The following RIMBP2 variants were observed in gnomAD, a reference collection of about 807,000 sequenced individuals.
RIMBP2 encodes the protein RIMS-binding protein 2.
In RIMBP2, 48 loss-of-function variants were observed where a neutral mutation model predicts 118.6. That is an observed-to-expected ratio of 0.40 (90% confidence interval 0.32 to 0.51). The LOEUF (loss-of-function observed/expected upper bound fraction) is 0.51. Ranked by LOEUF, RIMBP2 falls within the 20% of genes least tolerant of loss-of-function variation. The pLI is 0.41. For missense variants in RIMBP2, 1,551 were observed against 1,768.3 expected (o/e 0.88, Z 2.20); for synonymous variants, 762 against 742.9 (o/e 1.03, Z -0.42).
chr12:130,558,854 A>T lies in RIMBP2; in HGVS notation c.-216-40937T>A, dbSNP rs1263076520. Among the ~76,000 whole-genome samples the T allele has an allele frequency of 2.6e-5, 4 of 152,088 alleles. No homozygotes were observed. In the East Asian group the frequency reaches 5.8e-4, roughly 22 times the overall value. ...TTTCCTTGCTAAAATGTTAAATGAC[A>T]TTTGCTGTTAACAAACACTATATAC... On this transcript the variant is annotated intron_variant, in intron 2 of 22. Coordinates refer to ENST00000690449, the MANE Select transcript of RIMBP2 (RefSeq NM_001393629.1).
intron 1 of RIMBP2, among the ~76,000 whole-genome samples, chr12:130,706,049 TC>T (rs1411253223): frequency 1.3e-5 from 2 of 152,238 alleles, no homozygotes; most frequent in African/African-American, 4.8e-5. Flanking sequence ...TCTGTATTAT[TC>T]TACTAATTCC....
rs544193993 is a variant in RIMBP2, at chr12:130,707,502, A to T, written c.-352+8720T>A. ...AGAGCCCTGAACAACATGATGAGTGAGTAGCTGGGAGAAGAGCCTTCCAGA... is the reference window on the plus strand; with the variant it reads ...AGAGCCCTGAACAACATGATGAGTGTGTAGCTGGGAGAAGAGCCTTCCAGA... On this transcript the variant is annotated intron_variant, in intron 1 of 22. Transcript: ENST00000690449. 7.1e-3 allele frequency among the ~76,000 whole-genome samples: 1,081 copies of T among 152,320 alleles called. 27 individuals carry two copies. The highest frequency in any genetic ancestry group is 0.025 in the African/African-American group (1,034 of 41,556).
At chr12:130,522,109 C>G (rs971747789) in intron 2 of RIMBP2, among the ~76,000 whole-genome samples, 3 of 152,214 alleles carry the variant, frequency 2.0e-5, no homozygotes, top group Admixed American at 6.5e-5. Flanking sequence ...TGAAATCCCC[C>G]TCCCAGGGCA....
At chr12:130,534,694 T>C (rs2053830751) in intron 2 of RIMBP2, among the ~76,000 whole-genome samples, 1 of 152,216 alleles carries the variant, frequency 6.6e-6, no homozygotes, top group Non-Finnish European at 1.5e-5. Context: ...ACCCATGTCA[T>C]AGATTCTGTC....
intron 21 of RIMBP2, 89 bp downstream of exon 21, chr12:130,406,083 A>G: frequency 2.4e-6 from 2 of 833,950 alleles, no homozygotes; most frequent in South Asian, 1.6e-5. Context: ...CCCAATTTTA[A>G]GAGAAGGAAC....
At chr12:130,712,952 G>A (rs1156732324) in intron 1 of RIMBP2, among the ~76,000 whole-genome samples, 1 of 151,774 alleles carries the variant, frequency 6.6e-6, no homozygotes, top group Non-Finnish European at 1.5e-5. Context: ...TCATCTGGGA[G>A]ATTTTCTTCA....
At position 130,407,836 on chromosome 12, in the gene RIMBP2, A is replaced by G. The variant is rs774534986; in HGVS notation, c.3590-7T>C. The G allele has an allele frequency of 1.2e-4, 189 of 1,611,176 alleles. 1 individual carries two copies. In the East Asian group the frequency reaches 4.2e-3, roughly 36 times the overall value. The stretch of plus-strand genomic sequence containing the variant: ...CCACTTCTCCTGCTTCTCTCTGTTC[A>G]GATCACAAGGGGGAAAGAAATCCAT... On this transcript the variant is annotated splice_region_variant and splice_polypyrimidine_tract_variant and intron_variant, in intron 19 of 22. Coordinates refer to ENST00000690449, the MANE Select transcript of RIMBP2 (RefSeq NM_001393629.1).
intron 1 of RIMBP2, among the ~76,000 whole-genome samples, chr12:130,675,485 G>T (rs2064413999): frequency 6.6e-6 from 1 of 151,966 alleles, no homozygotes; most frequent in Admixed American, 6.5e-5. Context: ...CTCCAACAGA[G>T]CCCCTGCTCC....
intron 1 of RIMBP2, among the ~76,000 whole-genome samples, chr12:130,665,915 G>C (rs986959586): frequency 5.3e-5 from 8 of 152,142 alleles, no homozygotes; most frequent in Admixed American, 2.6e-4. Flanking sequence ...GCTGGGGCAC[G>C]TATGGGGTGA....
In RIMBP2 at chr12:130,671,058, C is replaced by T. The variant is rs556949479; in HGVS notation, c.-351-42602G>A. The stretch of plus-strand genomic sequence containing the variant: ...GACAGACGTGAGCCACCACACAGGC[C>T]GGGAAGGCTTCTGCTTTTCTGATAG... On this transcript the variant is annotated intron_variant, in intron 1 of 22. Coordinates refer to ENST00000690449, the MANE Select transcript of RIMBP2 (RefSeq NM_001393629.1). Among the ~76,000 whole-genome samples, 331 of 152,230 alleles carry T rather than the reference C, an allele frequency of 2.2e-3. 1 individual carries two copies. Among genetic ancestry groups the T allele is most frequent in the Non-Finnish European group, 3.3e-3 (226 of 68,020 alleles).
At chr12:130,601,362 C>CAAAAAAAA (rs2059875190) in intron 2 of RIMBP2, among the ~76,000 whole-genome samples, 7 of 92,234 alleles carry the variant, frequency 7.6e-5, no homozygotes, top group African/African-American at 1.9e-4. Flanking sequence ...AAAAAAAAAG[C>CAAAAAAAA]AAACCGGCTG....
chr12:130,485,068 G>A (rs1218631836), intron 4 of RIMBP2, among the ~76,000 whole-genome samples: 1 of 152,140 alleles, frequency 6.6e-6, no homozygotes, highest in Non-Finnish European at 1.5e-5. Flanking sequence ...CTTTCCCACT[G>A]GACGTGTGTA....
intron 1 of RIMBP2, among the ~76,000 whole-genome samples, chr12:130,636,645 A>G (rs1301327746): frequency 6.6e-6 from 1 of 152,218 alleles, no homozygotes; most frequent in Non-Finnish European, 1.5e-5. Context: ...GAAATGAGTG[A>G]ACACTAAACC....
At chr12:130,570,178 C>G (rs1183138900) in intron 2 of RIMBP2, among the ~76,000 whole-genome samples, 1 of 152,106 alleles carries the variant, frequency 6.6e-6, no homozygotes, top group African/African-American at 2.4e-5. Flanking sequence ...AATCCTAGCA[C>G]TTTAGGATGC....
intron 14 of RIMBP2, chr12:130,430,026 AAGG>A (rs1259718222): frequency 1.3e-5 from 2 of 152,252 alleles, no homozygotes; most frequent in African/African-American, 4.8e-5. Flanking sequence ...CCTGGGACGG[AAGG>A]AGGTGTCTGG....
At chr12:130,417,482 C>A (rs1336687099) in intron 17 of RIMBP2, among the ~76,000 whole-genome samples, 2 of 152,194 alleles carry the variant, frequency 1.3e-5, no homozygotes, top group African/African-American at 4.8e-5. Context: ...GAACAGAACA[C>A]CAGATACCTC....
chr12:130,510,949 G>C (rs2050856085), intron 3 of RIMBP2, among the ~76,000 whole-genome samples: 1 of 152,110 alleles, frequency 6.6e-6, no homozygotes, highest in African/African-American at 2.4e-5. Flanking sequence ...CGAAAAGACT[G>C]ATTTCCTGGA....
At chr12:130,496,794 G>C (rs2049209592) in intron 4 of RIMBP2, among the ~76,000 whole-genome samples, 1 of 152,132 alleles carries the variant, frequency 6.6e-6, no homozygotes, top group African/African-American at 2.4e-5. Flanking sequence ...CTGCACACTG[G>C]GACTGCTGTC....
Position 130,487,954 on chromosome 12 carries a change from T to A in RIMBP2, c.-3-8938A>T, listed in dbSNP as rs77359571. On this transcript the variant is annotated intron_variant, in intron 4 of 22. Coordinates refer to ENST00000690449, the MANE Select transcript of RIMBP2 (RefSeq NM_001393629.1). The stretch of plus-strand genomic sequence containing the variant: ...AATGCTGTAACCTGCTTGGTACCGT[T>A]CTAATTCCATGTAATTCTCACTTTC... Among the ~76,000 whole-genome samples, 472 of 152,256 alleles carry A rather than the reference T, an allele frequency of 3.1e-3. 1 individual carries two copies. Among genetic ancestry groups the A allele is most frequent in the African/African-American group, 0.011 (450 of 41,548 alleles).
Sources: allele counts gnomAD v4.1 joint callset (sites outside exome capture counted in the v4.1 genomes callset), GRCh38; gene constraint gnomAD v4.1.1; transcripts MANE v1.5; gene names NCBI Gene and HGNC (gene_info 2026-07-23, HGNC 2026-07-21).